The following DPY19L2 variants were observed in gnomAD, a reference collection of about 807,000 sequenced individuals.
DPY19L2 encodes dpy-19 like 2.
In DPY19L2, 34 loss-of-function variants were observed where a neutral mutation model predicts 97.9. The observed-to-expected ratio is 0.35, with a 90% confidence interval of 0.26 to 0.46. DPY19L2 has a LOEUF of 0.46. Among genes scored for constraint, DPY19L2 ranks in the 20% least tolerant of loss-of-function variants. The pLI is 1.00. For synonymous variants in DPY19L2, 230 were observed against 307.9 expected, an observed-to-expected ratio of 0.75 and a Z score of 2.65; for missense variants, 623 against 911.4, an observed-to-expected ratio of 0.68 and a Z score of 4.07.
chr12:63,619,381 A>C lies in DPY19L2; in HGVS notation c.1054-1153T>G, dbSNP rs571580006. Among the ~76,000 whole-genome samples the C allele has an allele frequency of 2.6e-4, 40 of 152,328 alleles. 1 individual carries two copies. In the South Asian group the frequency reaches 7.0e-3, roughly 27 times the overall value. On this transcript the variant is annotated intron_variant, in intron 9 of 21. Coordinates refer to ENST00000324472, the MANE Select transcript of DPY19L2 (RefSeq NM_173812.5). The stretch of plus-strand genomic sequence containing the variant: ...TAAAATCTTAAAGTACTTCCAGAAA[A>C]TAACATTGAATTATCCCTCTGTAAG...
intron 16 of DPY19L2, among the ~76,000 whole-genome samples, chr12:63,593,562 T>C (rs11175061): frequency 0.03 from 4,598 of 152,112 alleles, 251 homozygotes; most frequent in African/African-American, 0.1. Context: ...ACACCGCATA[T>C]TCTCACTCAT....
chr12:63,661,538 T>A (rs1413249455), intron 3 of DPY19L2, 57 bp from the exon 4 acceptor site: 1 of 1,307,594 alleles, frequency 7.6e-7, no homozygotes. Flanking sequence ...AAATATTTAT[T>A]TTTATCACTT....
intron 8 of DPY19L2, among the ~76,000 whole-genome samples, chr12:63,623,556 T>C (rs897022016): frequency 1.3e-5 from 2 of 152,094 alleles, no homozygotes; most frequent in Non-Finnish European, 2.9e-5. Flanking sequence ...CTAAAACCTG[T>C]AGCCTACACT....
intron 6 of DPY19L2, among the ~76,000 whole-genome samples, chr12:63,632,090 A>T (rs1890794827): frequency 6.6e-6 from 1 of 152,158 alleles, no homozygotes; most frequent in Non-Finnish European, 1.5e-5. Flanking sequence ...TATCTATGAC[A>T]AACCCACAGC....
In DPY19L2 at chr12:63,668,086, C is replaced by T; in HGVS notation, c.308G>A (p.Arg103Gln). 1 of 1,614,034 alleles carries T rather than the reference C, an allele frequency of 6.2e-7. No homozygotes were observed. The highest frequency in any genetic ancestry group is 1.1e-5 in the South Asian group (1 of 91,072). Reference sequence around the variant, plus strand: ...GCCGAGAGTGGTTCTGCTGGAGAACCGCCGCGCCTGCAGTTCCTGCACCTT... The same window carrying T: ...GCCGAGAGTGGTTCTGCTGGAGAACTGCCGCGCCTGCAGTTCCTGCACCTT... ...REKVQELQARRFSSRTTLGIA... is the reference protein window; with the variant it reads ...REKVQELQARQFSSRTTLGIA... The change falls in exon 1 of 22, where the codon CGG (arginine) becomes CAG (glutamine). Residue 103 changes from arginine (R) to glutamine (Q), a missense_variant. Arg to Gln is a conservative substitution (Grantham distance 43). Around this residue, in one of 6 missense-constraint regions of DPY19L2, gnomAD observed 84 missense variants for 125.4 expected, o/e 0.67. Coordinates refer to ENST00000324472, the MANE Select transcript of DPY19L2 (RefSeq NM_173812.5).
At chr12:63,589,090 T>C (rs1476547608) in intron 16 of DPY19L2, among the ~76,000 whole-genome samples, 1 of 152,016 alleles carries the variant, frequency 6.6e-6, no homozygotes, top group Non-Finnish European at 1.5e-5. Flanking sequence ...CTATCTATTA[T>C]ATACTAACAG....
intron 11 of DPY19L2, among the ~76,000 whole-genome samples, chr12:63,610,735 A>G (rs1458953965): frequency 6.6e-6 from 1 of 150,596 alleles, no homozygotes; most frequent in East Asian, 1.9e-4. Flanking sequence ...AAAAAATTGA[A>G]GAGAACACTT....
At chr12:63,577,207 G>T (rs1305763723) in intron 19 of DPY19L2, among the ~76,000 whole-genome samples, 1 of 151,994 alleles carries the variant, frequency 6.6e-6, no homozygotes, top group African/African-American at 2.4e-5. Context: ...TTCAATAAAT[G>T]GTGTTGGGAA....
At chr12:63,572,475 G>C (rs1468603591) in intron 19 of DPY19L2, among the ~76,000 whole-genome samples, 1 of 152,134 alleles carries the variant, frequency 6.6e-6, no homozygotes, top group Non-Finnish European at 1.5e-5. Context: ...CAGCATCTCT[G>C]GATCTGACTA....
chr12:63,603,496 G>C (rs1038846268), intron 12 of DPY19L2, among the ~76,000 whole-genome samples: 1 of 152,094 alleles, frequency 6.6e-6, no homozygotes, highest in African/African-American at 2.4e-5. Context: ...GCATTCATTA[G>C]CTACTTTTCC....
chr12:63,654,815 CAT>C (rs1592745635), intron 4 of DPY19L2, among the ~76,000 whole-genome samples: 1 of 152,074 alleles, frequency 6.6e-6, no homozygotes, highest in African/African-American at 2.4e-5. Flanking sequence ...ATGTGCCAAA[CAT>C]AGAGCTACAA....
chr12:63,610,129 A>C (rs1250322451), intron 11 of DPY19L2, among the ~76,000 whole-genome samples: 2 of 151,736 alleles, frequency 1.3e-5, no homozygotes, highest in Non-Finnish European at 2.9e-5. Flanking sequence ...TCTTTAATAT[A>C]AGAAGAAGAG....
chr12:63,581,187 C>T (rs1880827283), intron 18 of DPY19L2, among the ~76,000 whole-genome samples: 1 of 152,118 alleles, frequency 6.6e-6, no homozygotes, highest in Non-Finnish European at 1.5e-5. Flanking sequence ...GGTTAGTAGA[C>T]AGGGAAGCCC....
chr12:63,666,289 G>T (rs879399725), intron 1 of DPY19L2, among the ~76,000 whole-genome samples: 2 of 152,092 alleles, frequency 1.3e-5, no homozygotes, highest in African/African-American at 2.4e-5. Flanking sequence ...ATCAGAAGAT[G>T]ATTAAATGCA....
At chr12:63,582,625 CT>C (rs1467855373) in intron 17 of DPY19L2, 100 bp from the exon 18 acceptor site, 25 of 1,259,014 alleles carry the variant, frequency 2.0e-5, no homozygotes, top group Non-Finnish European at 2.6e-5. Context: ...CAAGGATCTT[CT>C]AACTTAGTAA....
Position 63,616,418 on chromosome 12 carries a change from C to T in DPY19L2, c.1218+886G>A, listed in dbSNP as rs991441342. ...GGATTACTATGAGGGAAGAAGGATACGGAAAGCAAAAATGTTAAAACATAA... is the reference window on the plus strand; with the variant it reads ...GGATTACTATGAGGGAAGAAGGATATGGAAAGCAAAAATGTTAAAACATAA... On this transcript the variant is annotated intron_variant, in intron 11 of 21. Coordinates refer to ENST00000324472, the MANE Select transcript of DPY19L2 (RefSeq NM_173812.5). 1.6e-4 allele frequency among the ~76,000 whole-genome samples: 24 copies of T among 152,018 alleles called. 1 individual carries two copies. The highest frequency in any genetic ancestry group is 5.1e-4 in the African/African-American group (21 of 41,386).
chr12:63,664,689 G>A (rs554079621), intron 2 of DPY19L2, among the ~76,000 whole-genome samples: 3 of 152,298 alleles, frequency 2.0e-5, no homozygotes, highest in Non-Finnish European at 2.9e-5. Flanking sequence ...AGGAGCATAT[G>A]TGATAAACAA....
intron 6 of DPY19L2, among the ~76,000 whole-genome samples, chr12:63,641,295 G>T (rs1592700757): frequency 6.6e-6 from 1 of 152,026 alleles, no homozygotes; most frequent in Admixed American, 6.6e-5. Flanking sequence ...ACTTTAATGA[G>T]CTTATATTTT....
chr12:63,621,434 C>A, intron 8 of DPY19L2, 97 bp from the exon 9 acceptor site: 1 of 711,772 alleles, frequency 1.4e-6, no homozygotes, highest in Non-Finnish European at 2.4e-6. Context: ...CTACATTATT[C>A]CATTACCTTT....
Sources: allele counts gnomAD v4.1 joint callset (sites outside exome capture counted in the v4.1 genomes callset), GRCh38; gene constraint gnomAD v4.1.1; regional missense constraint gnomAD v4.1.1; transcripts MANE v1.5; gene names NCBI Gene and HGNC (gene_info 2026-07-23, HGNC 2026-07-21).